The following AHCYL2 variants were observed in gnomAD, a reference collection of about 807,000 sequenced individuals.
AHCYL2 encodes S-adenosylhomocysteine hydrolase-like protein 2.
A neutral mutation model predicts 81.4 loss-of-function variants in AHCYL2; 28 were observed. The ratio of observed to expected loss-of-function variants is 0.34; its 90% CI spans 0.25 to 0.47. The LOEUF (loss-of-function observed/expected upper bound fraction) is 0.47. Among genes scored for constraint, AHCYL2 ranks in the 20% least tolerant of loss-of-function variants. AHCYL2 has a pLI of 1.00. For synonymous variants in AHCYL2, 272 were observed against 290.2 expected, an observed-to-expected ratio of 0.94 and a Z score of 0.64; for missense variants, 551 against 785.1, an observed-to-expected ratio of 0.70 and a Z score of 3.56.
intron 1 of AHCYL2, chr7:129,377,397 C>T (rs1046654651): frequency 1.3e-5 from 4 of 312,412 alleles, no homozygotes; most frequent in Non-Finnish European, 2.6e-5. Context: ...ATTTGCAAGC[C>T]CTAAAGCACT....
At chr7:129,324,639 C>T (rs1798154975) in intron 1 of AHCYL2, among the ~76,000 whole-genome samples, 1 of 152,144 alleles carries the variant, frequency 6.6e-6, no homozygotes, top group Non-Finnish European at 1.5e-5. Flanking sequence ...CCTCAGCCTC[C>T]CAAGTAGCTG....
intron 1 of AHCYL2, among the ~76,000 whole-genome samples, chr7:129,254,671 C>T (rs565746951): frequency 2.6e-5 from 4 of 152,314 alleles, no homozygotes; most frequent in South Asian, 2.1e-4. Context: ...CATCAATGCT[C>T]ATTAAGCTGT....
chr7:129,276,878 C>A (rs911663068), intron 1 of AHCYL2, among the ~76,000 whole-genome samples: 1 of 151,666 alleles, frequency 6.6e-6, no homozygotes, highest in Non-Finnish European at 1.5e-5. Context: ...ACAGATACCA[C>A]TAAGATTGAA....
At chr7:129,400,522 C>A in intron 6 of AHCYL2, 138 bp downstream of exon 6, 1 of 697,036 alleles carries the variant, frequency 1.4e-6, no homozygotes, top group Non-Finnish European at 2.3e-6. Context: ...GGGTTTCCAG[C>A]AGAACTAGAT....
intron 5 of AHCYL2, among the ~76,000 whole-genome samples, chr7:129,398,856 C>G (rs1297670193): frequency 3.9e-5 from 6 of 151,974 alleles, no homozygotes; most frequent in Non-Finnish European, 8.8e-5. Flanking sequence ...AATCCATATT[C>G]ACTACACAAA....
intron 1 of AHCYL2, among the ~76,000 whole-genome samples, chr7:129,349,036 T>A (rs1034796637): frequency 8.5e-5 from 13 of 152,338 alleles, no homozygotes; most frequent in Non-Finnish European, 1.3e-4. Context: ...AGGAAGAGAC[T>A]CTGGCTGACT....
In AHCYL2 at chr7:129,427,857, T is replaced by C. The variant is rs781556094; in HGVS notation, c.*812T>C. ...TTTACTTCCTTGTCATTTGATTGGATAGTTTCCAAGGAAGCCCCTCCAGAT... is the reference window on the plus strand; with the variant it reads ...TTTACTTCCTTGTCATTTGATTGGACAGTTTCCAAGGAAGCCCCTCCAGAT... On this transcript the variant is annotated 3_prime_UTR_variant, in exon 17 of 17. Transcript: ENST00000325006. This position sits in a 1 kb window ranked among gnomAD's most constrained non-coding sequence, Gnocchi z 5.5. The C allele has an allele frequency of 1.3e-5, 2 of 152,572 alleles. No individual in the cohort carries two copies. The highest frequency in any genetic ancestry group is 6.5e-5 in the Admixed American group (1 of 15,274). The allele number at this position is 152,572 out of a possible 1,614,324, so 9.5% of individuals were successfully genotyped here. A position where few individuals can be genotyped will look rare whatever the true frequency, so the allele number is the denominator to read the frequency against.
chr7:129,414,876 T>C (rs2150955743), intron 12 of AHCYL2, among the ~76,000 whole-genome samples: 1 of 152,330 alleles, frequency 6.6e-6, no homozygotes, highest in Admixed American at 6.5e-5. Context: ...AGGGCTGCTC[T>C]GATTGAGCTT....
intron 1 of AHCYL2, among the ~76,000 whole-genome samples, chr7:129,240,495 A>G (rs921863095): frequency 1.7e-4 from 26 of 152,272 alleles, no homozygotes; most frequent in South Asian, 8.3e-4. Flanking sequence ...CCAGAAAATG[A>G]AGCAAAAACA....
intron 1 of AHCYL2, among the ~76,000 whole-genome samples, chr7:129,275,380 T>C (rs1009207314): frequency 1.3e-5 from 2 of 151,974 alleles, no homozygotes; most frequent in African/African-American, 2.4e-5. Context: ...CCAGCCTGGG[T>C]GACACAGCAA....
At chr7:129,342,128 G>A (rs147394669) in intron 1 of AHCYL2, among the ~76,000 whole-genome samples, 9 of 152,260 alleles carry the variant, frequency 5.9e-5, no homozygotes, top group Admixed American at 1.3e-4. Context: ...TTTAAACTGA[G>A]GAAATTATAT....
chr7:129,334,315 ATTTTG>A (rs988090455), intron 1 of AHCYL2, among the ~76,000 whole-genome samples: 22 of 151,866 alleles, frequency 1.4e-4, no homozygotes, highest in African/African-American at 5.3e-4. Context: ...AGTCCTCTCT[ATTTTG>A]TTTTTCTTTG....
intron 1 of AHCYL2, among the ~76,000 whole-genome samples, chr7:129,326,086 C>T (rs1234082159): frequency 6.6e-6 from 1 of 151,890 alleles, no homozygotes; most frequent in Non-Finnish European, 1.5e-5. Context: ...TCCTTTTTTT[C>T]ATTAATCGAA....
Position 129,403,431 on chromosome 7 carries a change from A to G in AHCYL2, c.971A>G (p.Asn324Ser). Residue 324 changes from asparagine to serine, a missense_variant, in exon 7 of 17, where the codon AAC becomes AGC. This residue lies in a region of AHCYL2 where 316 missense variants were observed against 543.1 expected (regional missense o/e 0.58). Coordinates refer to ENST00000325006, the MANE Select transcript of AHCYL2 (RefSeq NM_015328.4). ...CACTGGATTTATAAAAAGTATCCCA[A>G]CATGTTTAAGAAAATCAAGGGCATA... ...LTHWIYKKYP[N>S]MFKKIKGIVE... The G allele has an allele frequency of 6.2e-7, 1 of 1,612,124 alleles. No individual in the cohort carries two copies. The highest frequency in any genetic ancestry group is 8.5e-7 in the Non-Finnish European group (1 of 1,178,948).
chr7:129,396,372 G>A (rs200555304), intron 4 of AHCYL2, among the ~76,000 whole-genome samples: 2 of 151,520 alleles, frequency 1.3e-5, no homozygotes, highest in South Asian at 2.1e-4. Flanking sequence ...TGATCTGCCC[G>A]CCTCGGCCTC....
chr7:129,377,104 C>A (rs780349482), intron 1 of AHCYL2, among the ~76,000 whole-genome samples: 1 of 152,144 alleles, frequency 6.6e-6, no homozygotes, highest in East Asian at 1.9e-4. Context: ...AGGATTTGTG[C>A]CTGCAGATAT....
At chr7:129,353,482 T>G (rs1793637152) in intron 1 of AHCYL2, among the ~76,000 whole-genome samples, 1 of 152,062 alleles carries the variant, frequency 6.6e-6, no homozygotes, top group African/African-American at 2.4e-5. Context: ...CTAAGGTAGT[T>G]TCTTCCTTTT....
At chr7:129,397,186 C>G (rs780692416) in intron 4 of AHCYL2, 36 bp from the exon 5 acceptor site, 5 of 1,562,426 alleles carry the variant, frequency 3.2e-6, no homozygotes, top group Non-Finnish European at 4.4e-6. Flanking sequence ...TTGTTTGGCC[C>G]AGGCTTGCTC....
chr7:129,247,096 C>G (rs1161339432), intron 1 of AHCYL2, among the ~76,000 whole-genome samples: 2 of 152,144 alleles, frequency 1.3e-5, no homozygotes, highest in Non-Finnish European at 2.9e-5. Flanking sequence ...AGTGGAATGG[C>G]TGGGTTGTGT....
Sources: gnomAD v4.1 joint callset for allele counts (sites outside exome capture counted in the v4.1 genomes callset) on GRCh38, gnomAD v4.1.1 for gene constraint, gnomAD v4.1.1 regional missense constraint, Gnocchi (gnomAD v3.1) non-coding constraint, MANE v1.5 for transcripts, NCBI Gene and HGNC (gene_info 2026-07-23, HGNC 2026-07-21) for gene names.